The following PPARGC1B variants were observed in gnomAD, a reference collection of about 807,000 sequenced individuals.
The protein encoded by PPARGC1B is peroxisome proliferator-activated receptor gamma coactivator 1-beta.
A neutral mutation model predicts 101.6 loss-of-function variants in PPARGC1B; 34 were observed. That is an observed-to-expected ratio of 0.33 (90% CI 0.25 to 0.45). The LOEUF is 0.45. Among genes scored for constraint, PPARGC1B ranks in the 20% least tolerant of loss-of-function variants. The pLI, the probability that PPARGC1B is intolerant of heterozygous loss-of-function variation, is 1.00. For missense variants in PPARGC1B, 1,234 were observed against 1,317.6 expected (o/e 0.94, Z 0.98); for synonymous variants, 548 against 539.3 (o/e 1.02, Z -0.22).
rs574371766 is a variant in PPARGC1B at position 149,762,852 on chromosome 5, T to C, written c.78+32432T>C. On this transcript the variant is annotated intron_variant, in intron 1 of 11. Transcript: ENST00000309241. ...CCCAGTCTGGAGTGCAATGGTGTGA[T>C]CAGGGCTCACTGCAGCCTCAACTTC... Among the ~76,000 whole-genome samples the C allele has an allele frequency of 2.6e-5, 4 of 152,186 alleles. No individual in the cohort carries two copies. In the East Asian group the frequency reaches 7.8e-4, roughly 30 times the overall value.
In PPARGC1B at chr5:149,854,859, C is replaced by T. The variant is rs148212012; in HGVS notation, c.*7301C>T. On this transcript the variant is annotated 3_prime_UTR_variant, in exon 12 of 12. Coordinates refer to ENST00000309241, the MANE Select transcript of PPARGC1B (RefSeq NM_133263.4). ...AGTTCTATTTTAATGTCTGTAAATA[C>T]TTCAGAACTGGCTTCTTTTCTCAAA... 1.3e-4 allele frequency: 20 copies of T among 152,290 alleles called. No individual in the cohort carries two copies. The highest frequency in any genetic ancestry group is 6.8e-3 in the Middle Eastern group (2 of 294). 9.4% of individuals were successfully genotyped at this position (152,290 alleles called of 1,614,324 possible).
intron 1 of PPARGC1B, among the ~76,000 whole-genome samples, chr5:149,806,378 C>T (rs1171126480): frequency 6.6e-6 from 1 of 152,198 alleles, no homozygotes; most frequent in Non-Finnish European, 1.5e-5. Context: ...GGCTGCCTGA[C>T]CTTCACTCTC....
chr5:149,783,928 A>T (rs1581049084), intron 1 of PPARGC1B, among the ~76,000 whole-genome samples: 1 of 151,586 alleles, frequency 6.6e-6, no homozygotes. Context: ...TATACCCTTC[A>T]CCCGTCTCTG....
chr5:149,842,179 C>T, intron 9 of PPARGC1B, 77 bp from the exon 10 acceptor site: 1 of 1,572,396 alleles, frequency 6.4e-7, no homozygotes, highest in Non-Finnish European at 8.7e-7. Context: ...ACAAGGACTC[C>T]ACGGGAGCCC....
At chr5:149,811,076 A>ACATG (rs1757839438) in intron 1 of PPARGC1B, among the ~76,000 whole-genome samples, 1 of 152,206 alleles carries the variant, frequency 6.6e-6, no homozygotes, top group African/African-American at 2.4e-5. Context: ...ATTGTGAAAC[A>ACATG]CATGCCTACG....
At chr5:149,845,972 C>T (rs1300335694) in intron 11 of PPARGC1B, 58 bp downstream of exon 11, 2 of 1,605,560 alleles carry the variant, frequency 1.2e-6, no homozygotes, top group Non-Finnish European at 1.7e-6. Flanking sequence ...GAAGCAGTGC[C>T]TTCCTTGAAC....
intron 1 of PPARGC1B, among the ~76,000 whole-genome samples, chr5:149,813,218 G>A (rs1757928590): frequency 6.6e-6 from 1 of 152,168 alleles, no homozygotes; most frequent in East Asian, 1.9e-4. Context: ...TCTCATTGCA[G>A]GTCTGCATTC....
At chr5:149,790,382 C>T (rs1298002103) in intron 1 of PPARGC1B, among the ~76,000 whole-genome samples, 1 of 152,090 alleles carries the variant, frequency 6.6e-6, no homozygotes, top group Non-Finnish European at 1.5e-5. Flanking sequence ...CTCACTTAAT[C>T]TCCCTGGGGT....
chr5:149,822,243 C>T (rs938494178), intron 2 of PPARGC1B, among the ~76,000 whole-genome samples: 3 of 152,180 alleles, frequency 2.0e-5, no homozygotes, highest in African/African-American at 7.2e-5. Context: ...TATAGGCCCC[C>T]CACCTACTCA....
Position 149,799,690 on chromosome 5 carries a change from G to GTT in PPARGC1B, c.79-20742_79-20741dup, listed in dbSNP as rs369350284. Among the ~76,000 whole-genome samples the GTT allele has an allele frequency of 4.6e-4, 30 of 65,042 alleles. 1 individual carries two copies. The highest frequency in any genetic ancestry group is 1.1e-3 in the African/African-American group (21 of 18,688). 42.7% of individuals were successfully genotyped at this position (65,042 alleles called of 152,430 possible). A position where few individuals can be genotyped will look rare whatever the true frequency, so the allele number is the denominator to read the frequency against. On this transcript the variant is annotated intron_variant, in intron 1 of 11. Coordinates refer to ENST00000309241, the MANE Select transcript of PPARGC1B (RefSeq NM_133263.4). ...TTTTTTGTTTGTTTGTTTGCTTGTT[G>GTT]TTGTTTTTTTTTTTTTTTTTTTTTG...
intron 1 of PPARGC1B, among the ~76,000 whole-genome samples, chr5:149,756,387 G>A (rs531790284): frequency 7.2e-4 from 110 of 152,274 alleles, no homozygotes; most frequent in Middle Eastern, 3.4e-3. Context: ...AGGAGGCAGA[G>A]GTTGTGGTGA....
rs369350284 is a variant in PPARGC1B, at chr5:149,799,690, G to GTTTTTTTTTTTT, written c.79-20741_79-20740insTTTTTTTTTTTT. 5.4e-3 allele frequency among the ~76,000 whole-genome samples: 349 copies of GTTTTTTTTTTTT among 64,940 alleles called. 17 individuals carry two copies. Among genetic ancestry groups the GTTTTTTTTTTTT allele is most frequent in the Non-Finnish European group, 7.2e-3 (238 of 32,880 alleles). 42.6% of individuals were successfully genotyped at this position (64,940 alleles called of 152,430 possible). Reference sequence around the variant, plus strand: ...TTTTTTGTTTGTTTGTTTGCTTGTTGTTGTTTTTTTTTTTTTTTTTTTTTG... The same window carrying GTTTTTTTTTTTT: ...TTTTTTGTTTGTTTGTTTGCTTGTTGTTTTTTTTTTTTTTGTTTTTTTTTTTTTTTTTTTTTG... On this transcript the variant is annotated intron_variant, in intron 1 of 11. Coordinates refer to ENST00000309241, the MANE Select transcript of PPARGC1B (RefSeq NM_133263.4).
intron 1 of PPARGC1B, chr5:149,818,752 A>C (rs1300854066): frequency 1.1e-5 from 5 of 448,238 alleles, no homozygotes; most frequent in African/African-American, 8.0e-5. Flanking sequence ...TTTTATCATT[A>C]TTATTATCAT....
chr5:149,799,687 G>GTTTTTTTTTTTTTTTTTT (rs1561553708), intron 1 of PPARGC1B, among the ~76,000 whole-genome samples: 2 of 85,438 alleles, frequency 2.3e-5, no homozygotes, highest in African/African-American at 8.4e-5. Context: ...TTGTTTGCTT[G>GTTTTTTTTTTTTTTTTTT]TTGTTGTTTT....
chr5:149,778,375 C>T (rs1756472736), intron 1 of PPARGC1B, among the ~76,000 whole-genome samples: 1 of 151,956 alleles, frequency 6.6e-6, no homozygotes, highest in Non-Finnish European at 1.5e-5. Context: ...CCTGACTTAG[C>T]CTAGCCCTCC....
intron 1 of PPARGC1B, among the ~76,000 whole-genome samples, chr5:149,783,705 C>T (rs1756680169): frequency 5.3e-5 from 8 of 152,174 alleles, no homozygotes. Context: ...TCAAATTCCC[C>T]CTCTTTACAT....
rs1181226228 is a variant in PPARGC1B at position 149,743,155 on chromosome 5, CT to C, written c.78+12753del. On this transcript the variant is annotated intron_variant, in intron 1 of 11. Transcript: ENST00000309241. Reference sequence around the variant, plus strand: ...TATAACCTTTGTTTATGTGTTTATTCTTTTTTTTTTTTTTTTTTGAGACAGA... The same window carrying C: ...TATAACCTTTGTTTATGTGTTTATTCTTTTTTTTTTTTTTTTTGAGACAGA... Among the ~76,000 whole-genome samples, 547 of 134,342 alleles carry C rather than the reference CT, an allele frequency of 4.1e-3. 2 individuals are homozygous for C. Among genetic ancestry groups the C allele is most frequent in the African/African-American group, 9.3e-3 (342 of 36,826 alleles). The allele number at this position is 134,342 out of a possible 152,430, so 88.1% of individuals were successfully genotyped here.
At chr5:149,759,968 A>G (rs1396453945) in intron 1 of PPARGC1B, among the ~76,000 whole-genome samples, 1 of 152,312 alleles carries the variant, frequency 6.6e-6, no homozygotes, top group South Asian at 2.1e-4. Context: ...TGTGAGTTGG[A>G]ACACCCATTA....
intron 8 of PPARGC1B, among the ~76,000 whole-genome samples, chr5:149,838,815 G>A (rs1581120104): frequency 6.6e-6 from 1 of 152,084 alleles, no homozygotes; most frequent in Non-Finnish European, 1.5e-5. Flanking sequence ...CTCAGTACCT[G>A]GTAAACCTGG....
Sources: gnomAD v4.1 joint callset for allele counts (sites outside exome capture counted in the v4.1 genomes callset) on GRCh38, gnomAD v4.1.1 for gene constraint, MANE v1.5 for transcripts, NCBI Gene and HGNC (gene_info 2026-07-23, HGNC 2026-07-21) for gene names.